ZNF236: variants seen among roughly 807,000 people sequenced by gnomAD.
The protein encoded by ZNF236 is zinc finger protein 236, also known as regulated by glucose.
In ZNF236, 50 loss-of-function variants were observed where a neutral mutation model predicts 191.2. The observed-to-expected ratio is 0.26, with a 90% CI of 0.21 to 0.33. The LOEUF (loss-of-function observed/expected upper bound fraction) is 0.33. ZNF236 is among the 10% of genes least tolerant of loss of function. ZNF236 has a pLI of 1.00. For synonymous variants in ZNF236, 907 were observed against 928.8 expected, an observed-to-expected ratio of 0.98 and a Z score of 0.43; for missense variants, 1,754 against 2,374.5, an observed-to-expected ratio of 0.74 and a Z score of 5.43.
At position 76,919,202 on chromosome 18, in the gene ZNF236, G is replaced by A. The variant is rs1266835175; in HGVS notation, c.3275-574G>A. 6.6e-6 allele frequency among the ~76,000 whole-genome samples: 1 copy of A among 152,206 alleles called. No homozygotes were observed. Among genetic ancestry groups the A allele is most frequent in the East Asian group, 1.9e-4 (1 of 5,204 alleles). On this transcript the variant is annotated intron_variant, in intron 19 of 30. Transcript: ENST00000320610. This position sits in a 1 kb window ranked among gnomAD's most constrained non-coding sequence, Gnocchi z 5.3. ...AGCTTACTCCTGAATTTTCAGGGAG[G>A]TGTAGAAGCAGGTCTTTAATCTGAG...
Position 76,925,123 on chromosome 18 carries a change from A to G in ZNF236, c.3662-66A>G, listed in dbSNP as rs1967638469. On this transcript the variant is annotated intron_variant, in intron 21 of 30. Coordinates refer to ENST00000320610, the MANE Select transcript of ZNF236 (RefSeq NM_001306089.2). The surrounding 1 kb of genome is among the most constrained non-coding windows in gnomAD (Gnocchi z 5.7). ...ATATTTACATCCATAGTGACAGCTG[A>G]GTGGGGTGGGGGTGAGTGTCGCGAC... 6 of 1,562,352 alleles carry G rather than the reference A, an allele frequency of 3.8e-6. No homozygotes were observed. In the Admixed American group the frequency reaches 9.2e-5, roughly 24 times the overall value.
rs536513766 is a variant in ZNF236 at position 76,856,142 on chromosome 18, A to G, written c.363+4203A>G. ...GGCTGCTCTTGAACTCCTGGTCTCA[A>G]GTAGTGGTTGGATTATAGGCGTGAG... On this transcript the variant is annotated intron_variant, in intron 3 of 30. Coordinates refer to ENST00000320610, the MANE Select transcript of ZNF236 (RefSeq NM_001306089.2). Among the ~76,000 whole-genome samples the G allele has an allele frequency of 5.1e-3, 766 of 151,024 alleles. 6 individuals are homozygous for G. Among genetic ancestry groups the G allele is most frequent in the African/African-American group, 0.018 (741 of 41,224 alleles).
At chr18:76,872,151 A>C (rs1976599600) in intron 5 of ZNF236, among the ~76,000 whole-genome samples, 1 of 152,152 alleles carries the variant, frequency 6.6e-6, no homozygotes, top group Admixed American at 6.5e-5. Flanking sequence ...ATTTGTTGTT[A>C]CTGTGTGTCA....
At chr18:76,881,582 T>G (rs1976902691) in intron 9 of ZNF236, 70 bp downstream of exon 9, 1 of 1,355,626 alleles carries the variant, frequency 7.4e-7, no homozygotes, top group Non-Finnish European at 1.0e-6. Context: ...AAATGTGCCC[T>G]TCTTTTTTCC....
At chr18:76,839,765 G>T (rs143290803) in intron 1 of ZNF236, among the ~76,000 whole-genome samples, 45 of 152,174 alleles carry the variant, frequency 3.0e-4, no homozygotes, top group Middle Eastern at 6.8e-3. Context: ...TCTCTGTGGC[G>T]CTCTTTAGCT....
rs372117998 is a variant in ZNF236, at chr18:76,910,160, C to T, written c.2644C>T (p.Leu882=). 6.2e-7 allele frequency: 1 copy of T among 1,612,044 alleles called. No individual in the cohort carries two copies. Among genetic ancestry groups the T allele is most frequent in the Non-Finnish European group, 8.5e-7 (1 of 1,178,266 alleles). Residue 882 remains leucine, a synonymous_variant, in exon 15 of 31, where the codon CTA becomes TTA. Transcript: ENST00000320610. ...GCAACAGTCCTTCGAACCAGCAGGG[C>T]TACCCCAAGGTCAGTGGTGGGTTTT... is the stretch of plus-strand genomic sequence containing the variant. ...PAQQSFEPAG[L]PQGFTVTDTY...
At chr18:76,899,622 A>G (rs1402094885) in intron 11 of ZNF236, among the ~76,000 whole-genome samples, 1 of 152,244 alleles carries the variant, frequency 6.6e-6, no homozygotes, top group Non-Finnish European at 1.5e-5. Context: ...TATTTGGGCT[A>G]CTTTAATCTT....
In ZNF236 at chr18:76,904,538, A is replaced by T. The variant is rs759980809; in HGVS notation, c.2036+17A>T. 13 of 1,560,588 alleles carry T rather than the reference A, an allele frequency of 8.3e-6. No individual in the cohort carries two copies. The highest frequency in any genetic ancestry group is 1.0e-5 in the Non-Finnish European group (12 of 1,153,906). On this transcript the variant is annotated intron_variant, in intron 12 of 30. Transcript: ENST00000320610. ...ACACATCAGGTAAGGTAACGGATTC[A>T]CAGATGGAAATTTAGTATAATTAAA...
intron 1 of ZNF236, among the ~76,000 whole-genome samples, chr18:76,830,966 T>TGAGCAGATAATATG (rs1255668417): frequency 6.6e-6 from 1 of 152,226 alleles, no homozygotes; most frequent in Admixed American, 6.5e-5. Flanking sequence ...TACCCAAAAT[T>TGAGCAGATAATATG]GAGCAGATAA....
At chr18:76,959,936 G>T (rs990216192) in intron 29 of ZNF236, 120 bp downstream of exon 29, 30 of 1,191,712 alleles carry the variant, frequency 2.5e-5, no homozygotes, top group Non-Finnish European at 3.3e-5. Context: ...TATAAAGCAA[G>T]GTCCACATGT....
In ZNF236 at chr18:76,927,857, T is replaced by C; in HGVS notation, c.4415-70T>C. 1 of 1,162,332 alleles carries C rather than the reference T, an allele frequency of 8.6e-7. No individual in the cohort carries two copies. Among genetic ancestry groups the C allele is most frequent in the Non-Finnish European group, 1.2e-6 (1 of 845,884 alleles). 72.0% of individuals were successfully genotyped at this position (1,162,332 alleles called of 1,614,324 possible). On this transcript the variant is annotated intron_variant, in intron 24 of 30. Transcript: ENST00000320610. This position sits in a 1 kb window ranked among gnomAD's most constrained non-coding sequence, Gnocchi z 5.4. ...GTAATAACAGTTTAATTAAAATATT[T>C]TTAATATAAAAACAGGGGAAATTGG...
At chr18:76,871,487 CA>C (rs1374274046) in intron 4 of ZNF236, among the ~76,000 whole-genome samples, 1 of 151,978 alleles carries the variant, frequency 6.6e-6, no homozygotes, top group African/African-American at 2.4e-5. Flanking sequence ...CTGGAAAAAA[CA>C]AATTTTTTTT....
At chr18:76,906,070 C>CCTAA (rs1977732313) in intron 13 of ZNF236, among the ~76,000 whole-genome samples, 2 of 152,202 alleles carry the variant, frequency 1.3e-5, no homozygotes, top group South Asian at 4.1e-4. Context: ...AGTCACTAGG[C>CCTAA]CTAAAGCTGC....
Position 76,968,720 on chromosome 18 carries a change from T to G in ZNF236, c.*381T>G. On this transcript the variant is annotated 3_prime_UTR_variant, in exon 31 of 31. Transcript: ENST00000320610. ...ATTGAAAAAGTATGTCAGATTTTCC[T>G]TCATGTTTCTGGTTATAAGAAGCAT... 1 of 999,810 alleles carries G rather than the reference T, an allele frequency of 1.0e-6. No individual in the cohort carries two copies. The highest frequency in any genetic ancestry group is 1.2e-6 in the Non-Finnish European group (1 of 839,688). The allele number at this position is 999,810 out of a possible 1,614,324, so 61.9% of individuals were successfully genotyped here.
chr18:76,903,773 CTTAAT>C (rs1977667065), intron 11 of ZNF236, among the ~76,000 whole-genome samples: 1 of 151,906 alleles, frequency 6.6e-6, no homozygotes, highest in Admixed American at 6.6e-5. Flanking sequence ...TGAAGGAATT[CTTAAT>C]TTAGTAAATG....
Position 76,925,752 on chromosome 18 carries a change from C to T in ZNF236, c.4027+198C>T, listed in dbSNP as rs1362038615. Reference sequence around the variant, plus strand: ...TGCTCCTTTCCATTTCGCATTCTGTCTTCCATGCCAGCTGCTTTTTTACAC... The same window carrying T: ...TGCTCCTTTCCATTTCGCATTCTGTTTTCCATGCCAGCTGCTTTTTTACAC... On this transcript the variant is annotated intron_variant, in intron 22 of 30. Coordinates refer to ENST00000320610, the MANE Select transcript of ZNF236 (RefSeq NM_001306089.2). The surrounding 1 kb of genome is among the most constrained non-coding windows in gnomAD (Gnocchi z 5.7). Among the ~76,000 whole-genome samples, 1 of 152,224 alleles carries T rather than the reference C, an allele frequency of 6.6e-6. No individual in the cohort carries two copies. The highest frequency in any genetic ancestry group is 1.5e-5 in the Non-Finnish European group (1 of 68,036).
At chr18:76,963,517 G>A (rs183754475) in intron 30 of ZNF236, among the ~76,000 whole-genome samples, 136 of 152,250 alleles carry the variant, frequency 8.9e-4, no homozygotes, top group African/African-American at 3.0e-3. Flanking sequence ...GTTCATCAGG[G>A]ATAATGGTCT....
At chr18:76,962,387 G>A (rs575846437) in intron 30 of ZNF236, among the ~76,000 whole-genome samples, 12 of 152,118 alleles carry the variant, frequency 7.9e-5, no homozygotes, top group African/African-American at 2.9e-4. Flanking sequence ...GTTTATTTCT[G>A]GGTTCTCTAT....
intron 4 of ZNF236, 91 bp downstream of exon 4, chr18:76,868,954 C>T (rs1976505814): frequency 7.6e-7 from 1 of 1,323,396 alleles, no homozygotes; most frequent in Non-Finnish European, 1.0e-6. Flanking sequence ...ATATTTGCTG[C>T]AAGAACCCAG....
Sources: gnomAD v4.1 joint callset for allele counts (sites outside exome capture counted in the v4.1 genomes callset) on GRCh38, gnomAD v4.1.1 for gene constraint, Gnocchi (gnomAD v3.1) non-coding constraint, MANE v1.5 for transcripts, NCBI Gene and HGNC (gene_info 2026-07-23, HGNC 2026-07-21) for gene names.